The following GALNTL6 variants were observed in gnomAD, a reference collection of about 807,000 sequenced individuals.
GALNTL6 encodes the protein polypeptide N-acetylgalactosaminyltransferase-like 6.
GALNTL6 carries 46 observed loss-of-function variants against 73.7 expected under a neutral mutation model. The observed-to-expected ratio is 0.62, with a 90% CI of 0.49 to 0.80. GALNTL6 has a LOEUF of 0.80. Ranked by LOEUF, GALNTL6 falls within the 30% of genes least tolerant of loss-of-function variation. The probability of loss-of-function intolerance (pLI) is 0.00; values close to 1 mark genes in which losing one functional copy is unlikely to be tolerated. For missense variants in GALNTL6, 604 were observed against 755.0 expected, an observed-to-expected ratio of 0.80 and a Z score of 2.34; for synonymous variants, 259 against 263.7, an observed-to-expected ratio of 0.98 and a Z score of 0.17.
chr4:172,165,266 A>T (rs1560949647), intron 2 of GALNTL6, among the ~76,000 whole-genome samples: 1 of 152,130 alleles, frequency 6.6e-6, no homozygotes, highest in Admixed American at 6.5e-5. Flanking sequence ...GAGATGATAG[A>T]TAAATCTATC....
intron 5 of GALNTL6, among the ~76,000 whole-genome samples, chr4:172,705,316 C>G (rs897666843): frequency 6.0e-5 from 9 of 150,200 alleles, no homozygotes; most frequent in African/African-American, 2.2e-4. Flanking sequence ...CAATTTCTTG[C>G]GTTTGCTTTC....
intron 2 of GALNTL6, among the ~76,000 whole-genome samples, chr4:171,843,480 CAA>C (rs368318884): frequency 4.2e-5 from 6 of 142,442 alleles, no homozygotes; most frequent in African/African-American, 1.5e-4. Flanking sequence ...AGACAAATGC[CAA>C]AAAAAAAACA....
rs187684399 is a variant in GALNTL6 at position 171,864,963 on chromosome 4, A to G, written c.138+50245A>G. On this transcript the variant is annotated intron_variant, in intron 2 of 12. Transcript: ENST00000506823. ...ATTTGATTTGACCCGCCTGACCAGC[A>G]TGAAGTAACCCCATCTCTACTAAAA... 1.8e-4 allele frequency among the ~76,000 whole-genome samples: 27 copies of G among 152,324 alleles called. No individual in the cohort carries two copies. The East Asian group carries it at 2.9e-3, about 16-fold the overall frequency.
At chr4:172,583,916 A>AG (rs1737303181) in intron 5 of GALNTL6, among the ~76,000 whole-genome samples, 1 of 150,154 alleles carries the variant, frequency 6.7e-6, no homozygotes, top group Non-Finnish European at 1.5e-5. Context: ...AAAAAAAAAA[A>AG]AAAATCAGAT....
chr4:171,835,512 A>G (rs900367315), intron 2 of GALNTL6, among the ~76,000 whole-genome samples: 1 of 152,042 alleles, frequency 6.6e-6, no homozygotes, highest in Admixed American at 6.6e-5. Context: ...GCTCTAAAAT[A>G]TATTACTTAG....
intron 5 of GALNTL6, among the ~76,000 whole-genome samples, chr4:172,535,643 TTAAGA>T (rs370741003): frequency 6.8e-4 from 104 of 152,252 alleles, no homozygotes; most frequent in African/African-American, 2.5e-3. Context: ...ACAATACACA[TTAAGA>T]TATGTACATC....
At chr4:172,917,407 T>C (rs1747578984) in intron 8 of GALNTL6, among the ~76,000 whole-genome samples, 1 of 152,122 alleles carries the variant, frequency 6.6e-6, no homozygotes, top group Non-Finnish European at 1.5e-5. Flanking sequence ...TGGGATCTAA[T>C]TAAACTAAAG....
At chr4:172,770,580 G>A (rs1485484084) in intron 5 of GALNTL6, among the ~76,000 whole-genome samples, 1 of 152,056 alleles carries the variant, frequency 6.6e-6, no homozygotes, top group Non-Finnish European at 1.5e-5. Context: ...TAAAAAGCAG[G>A]CAAATCAGTA....
At chr4:172,609,167 T>C (rs1429784084) in intron 5 of GALNTL6, among the ~76,000 whole-genome samples, 3 of 152,112 alleles carry the variant, frequency 2.0e-5, no homozygotes, top group Non-Finnish European at 4.4e-5. Flanking sequence ...GAATTTCTAG[T>C]ACTATTATTC....
rs865916809 is a variant in GALNTL6, at chr4:172,103,951, T to C, written c.139-125705T>C. Among the ~76,000 whole-genome samples the C allele has an allele frequency of 2.5e-4, 37 of 148,572 alleles. 1 individual carries two copies. The Middle Eastern group carries it at 0.032, about 128-fold the overall frequency. ...TTGTTTTTTTCTTTTCTTTTTCTCT[T>C]TTTTTTTTTTTGAGACCAGTCTCGC... On this transcript the variant is annotated intron_variant, in intron 2 of 12. Transcript: ENST00000506823.
At chr4:171,918,827 G>A (rs879926474) in intron 2 of GALNTL6, among the ~76,000 whole-genome samples, 23 of 152,040 alleles carry the variant, frequency 1.5e-4, no homozygotes, top group Admixed American at 2.0e-4. Flanking sequence ...AGGAAATTTC[G>A]TGATATGAGA....
At chr4:172,387,115 T>G (rs978644843) in intron 5 of GALNTL6, among the ~76,000 whole-genome samples, 2 of 152,158 alleles carry the variant, frequency 1.3e-5, no homozygotes, top group African/African-American at 2.4e-5. Context: ...CCTCATAATT[T>G]TATTACCTCC....
chr4:171,848,292 T>C (rs952815405), intron 2 of GALNTL6, among the ~76,000 whole-genome samples: 2 of 152,208 alleles, frequency 1.3e-5, no homozygotes, highest in Admixed American at 6.5e-5. Context: ...TATAGACAGA[T>C]GTTCTGTCAT....
intron 5 of GALNTL6, among the ~76,000 whole-genome samples, chr4:172,430,002 A>G (rs1334706686): frequency 1.3e-5 from 2 of 152,060 alleles, no homozygotes; most frequent in African/African-American, 4.8e-5. Flanking sequence ...ACTAATAGAT[A>G]TGATATTTAA....
At chr4:172,680,885 G>A (rs185243616) in intron 5 of GALNTL6, among the ~76,000 whole-genome samples, 49 of 152,322 alleles carry the variant, frequency 3.2e-4, no homozygotes, top group Admixed American at 2.9e-3. Flanking sequence ...GATTCTTTGA[G>A]ATGAGTAAGC....
At chr4:172,191,993 A>G (rs1188409518) in intron 2 of GALNTL6, among the ~76,000 whole-genome samples, 2 of 152,060 alleles carry the variant, frequency 1.3e-5, no homozygotes, top group Admixed American at 6.5e-5. Flanking sequence ...CTGATTTTTA[A>G]AAATGTATTA....
intron 12 of GALNTL6, among the ~76,000 whole-genome samples, chr4:173,039,375 C>T (rs1020031537): frequency 1.3e-5 from 2 of 151,314 alleles, no homozygotes; most frequent in Non-Finnish European, 2.9e-5. Context: ...CTGAAAAGGG[C>T]AGCTGAGAAC....
chr4:172,106,593 G>C (rs1224689779), intron 2 of GALNTL6, among the ~76,000 whole-genome samples: 4 of 151,984 alleles, frequency 2.6e-5, no homozygotes, highest in Non-Finnish European at 1.5e-5. Context: ...GAATATGACA[G>C]GAAATTATCT....
intron 3 of GALNTL6, among the ~76,000 whole-genome samples, chr4:172,250,934 A>G (rs1737844049): frequency 6.6e-6 from 1 of 152,176 alleles, no homozygotes; most frequent in South Asian, 2.1e-4. Flanking sequence ...AACTTAGTCA[A>G]TTTTTATTGC....
Sources: allele counts gnomAD v4.1 joint callset (sites outside exome capture counted in the v4.1 genomes callset), GRCh38; gene constraint gnomAD v4.1.1; transcripts MANE v1.5; gene names NCBI Gene and HGNC (gene_info 2026-07-23, HGNC 2026-07-21).